Variants in SMIM14 observed in about 807,000 individuals in gnomAD.
SMIM14 encodes the protein small integral membrane protein 14, also known as chromosome 4 open reading frame 34.
Under a neutral mutation model 12.6 loss-of-function variants are expected in SMIM14, and 5 were observed. That is an observed-to-expected ratio of 0.40 (90% CI 0.21 to 0.83). SMIM14 has a LOEUF of 0.83. SMIM14 is among the 40% of genes least tolerant of loss of function. The probability of loss-of-function intolerance (pLI) is 0.37; values close to 1 mark genes in which losing one functional copy is unlikely to be tolerated. For synonymous variants in SMIM14, 30 were observed against 40.1 expected (o/e 0.75, Z 0.95); for missense variants, 86 against 119.1 (o/e 0.72, Z 1.29).
At chr4:39,611,761 GC>G (rs1715044329) in intron 1 of SMIM14, among the ~76,000 whole-genome samples, 1 of 152,090 alleles carries the variant, frequency 6.6e-6, no homozygotes, top group Non-Finnish European at 1.5e-5. Context: ...TACTGTAACA[GC>G]AAAGAAAAAA....
intron 2 of SMIM14, among the ~76,000 whole-genome samples, chr4:39,581,029 A>G (rs1713467648): frequency 6.6e-6 from 1 of 152,148 alleles, no homozygotes; most frequent in Non-Finnish European, 1.5e-5. Flanking sequence ...CTTAATTAAG[A>G]AAGTGTCTTA....
At chr4:39,612,171 C>A (rs144036734) in intron 1 of SMIM14, 51 of 151,774 alleles carry the variant, frequency 3.4e-4, no homozygotes, top group African/African-American at 1.2e-3. Context: ...ACATATGCAA[C>A]ACAGAAAACT....
intron 1 of SMIM14, among the ~76,000 whole-genome samples, chr4:39,626,830 GT>G (rs1715720618): frequency 1.3e-5 from 2 of 152,004 alleles, no homozygotes; most frequent in African/African-American, 4.8e-5. Context: ...TCTCCTTAAT[GT>G]TTCCATTTCT....
chr4:39,598,022 A>G lies in SMIM14; in HGVS notation c.75+7049T>C, dbSNP rs1245715373. On this transcript the variant is annotated intron_variant, in intron 2 of 4. Coordinates refer to ENST00000295958, the MANE Select transcript of SMIM14 (RefSeq NM_174921.3). ...TTCTCTTCCTTCTCACTTTATTTAC[A>G]ACCACTATAGAGTTCAGGGTTTCCT... Among the ~76,000 whole-genome samples, 5 of 152,300 alleles carry G rather than the reference A, an allele frequency of 3.3e-5. No individual in the cohort carries two copies. In the East Asian group the frequency reaches 9.6e-4, roughly 29 times the overall value.
chr4:39,626,654 T>C (rs1715713552), intron 1 of SMIM14, among the ~76,000 whole-genome samples: 1 of 152,222 alleles, frequency 6.6e-6, no homozygotes, highest in Non-Finnish European at 1.5e-5. Context: ...ATTAAATAAT[T>C]GCATACCAAT....
intron 2 of SMIM14, among the ~76,000 whole-genome samples, chr4:39,598,845 AC>A (rs886577617): frequency 6.9e-6 from 1 of 144,142 alleles, no homozygotes; most frequent in African/African-American, 2.5e-5. Context: ...TGACCCCCAC[AC>A]CCCCATCCAC....
chr4:39,625,206 A>T (rs1332511337), intron 1 of SMIM14, among the ~76,000 whole-genome samples: 1 of 148,444 alleles, frequency 6.7e-6, no homozygotes, highest in African/African-American at 2.5e-5. Context: ...CAACAGGGTG[A>T]GACATCATCT....
chr4:39,606,004 C>T (rs1213503025), intron 1 of SMIM14, among the ~76,000 whole-genome samples: 1 of 152,128 alleles, frequency 6.6e-6, no homozygotes, highest in Non-Finnish European at 1.5e-5. Context: ...TCCCAAAGTG[C>T]TAGGATTACA....
At chr4:39,611,049 T>G (rs1213978757) in intron 1 of SMIM14, among the ~76,000 whole-genome samples, 1 of 152,202 alleles carries the variant, frequency 6.6e-6, no homozygotes, top group African/African-American at 2.4e-5. Flanking sequence ...TCAGGGCTAG[T>G]TTCCTTAATT....
At chr4:39,585,268 T>C (rs564314194) in intron 2 of SMIM14, among the ~76,000 whole-genome samples, 1 of 151,638 alleles carries the variant, frequency 6.6e-6, no homozygotes, top group African/African-American at 2.4e-5. Flanking sequence ...GCTTTCATGG[T>C]CTAGATATTC....
chr4:39,627,690 T>A (rs1715750899), intron 1 of SMIM14, among the ~76,000 whole-genome samples: 1 of 152,198 alleles, frequency 6.6e-6, no homozygotes, highest in Non-Finnish European at 1.5e-5. Context: ...GGGGCCAAAG[T>A]TATCACTCAT....
chr4:39,621,495 AC>A (rs771416860), intron 1 of SMIM14, among the ~76,000 whole-genome samples: 3 of 152,174 alleles, frequency 2.0e-5, no homozygotes, highest in South Asian at 4.1e-4. Context: ...TGTTAAAAAA[AC>A]GTGCATGCCC....
At chr4:39,581,508 TTTTC>T (rs1400259307) in intron 2 of SMIM14, among the ~76,000 whole-genome samples, 4 of 146,878 alleles carry the variant, frequency 2.7e-5, no homozygotes, top group Admixed American at 7.2e-5. Flanking sequence ...GTTTTTTTCC[TTTTC>T]TTTTTCTTTT....
intron 1 of SMIM14, among the ~76,000 whole-genome samples, chr4:39,619,924 C>T (rs2381394): frequency 1.4e-5 from 2 of 143,132 alleles, no homozygotes; most frequent in Non-Finnish European, 3.0e-5. Flanking sequence ...CTGTGGCCCA[C>T]GCTAGAGTGC....
chr4:39,605,844 G>A (rs1268815904), intron 1 of SMIM14, among the ~76,000 whole-genome samples: 1 of 152,112 alleles, frequency 6.6e-6, no homozygotes. Context: ...GGGTTCAAGA[G>A]ATTCTCCTGC....
At chr4:39,576,660 GTATATATA>G (rs1298743756) in intron 2 of SMIM14, among the ~76,000 whole-genome samples, 817 of 72,352 alleles carry the variant, frequency 0.011, 27 homozygotes, top group Non-Finnish European at 0.016. Context: ...GTGTGTATGT[GTATATATA>G]TATATATATA....
At chr4:39,590,977 A>G (rs1714045620) in intron 2 of SMIM14, among the ~76,000 whole-genome samples, 2 of 152,012 alleles carry the variant, frequency 1.3e-5, no homozygotes, top group South Asian at 4.1e-4. Context: ...CTAAATCTCT[A>G]ATTAAAGTAC....
rs1201630545 is a variant in SMIM14 at position 39,619,638 on chromosome 4, CAATA to C, written c.-35-14462_-35-14459del. Among the ~76,000 whole-genome samples the C allele has an allele frequency of 5.2e-4, 41 of 79,138 alleles. 1 individual carries two copies. Among genetic ancestry groups the C allele is most frequent in the African/African-American group, 1.2e-3 (14 of 11,720 alleles). The allele number at this position is 79,138 out of a possible 152,430, so 51.9% of individuals were successfully genotyped here. On this transcript the variant is annotated intron_variant, in intron 1 of 4. Transcript: ENST00000295958. ...AATAAATATAATTTATTCTATATATCAATAAATATAATTTATTCTATATATCAAT... is the reference window on the plus strand; with the variant it reads ...AATAAATATAATTTATTCTATATATCAATATAATTTATTCTATATATCAAT...
intron 2 of SMIM14, among the ~76,000 whole-genome samples, chr4:39,599,575 T>C (rs190095491): frequency 6.6e-6 from 1 of 152,196 alleles, no homozygotes. Flanking sequence ...GGCTGGATTC[T>C]GGATGTATTT....
Sources: allele counts gnomAD v4.1 joint callset (sites outside exome capture counted in the v4.1 genomes callset), GRCh38; gene constraint gnomAD v4.1.1; transcripts MANE v1.5; gene names NCBI Gene and HGNC (gene_info 2026-07-23, HGNC 2026-07-21).